CCDC7: variants seen among roughly 807,000 people sequenced by gnomAD.
The protein encoded by CCDC7 is coiled-coil domain-containing protein 7.
CCDC7 carries 183 observed loss-of-function variants against 196.9 expected under a neutral mutation model. The ratio of observed to expected loss-of-function variants is 0.93; its 90% CI spans 0.82 to 1.05. CCDC7 has a LOEUF of 1.05. CCDC7 is among the 50% of genes least tolerant of loss of function. The probability of loss-of-function intolerance (pLI) is 0.00; values close to 1 mark genes in which losing one functional copy is unlikely to be tolerated. For synonymous variants in CCDC7, 525 were observed against 484.6 expected, an observed-to-expected ratio of 1.08 and a Z score of -1.10; for missense variants, 1,540 against 1,482.2, an observed-to-expected ratio of 1.04 and a Z score of -0.64.
At chr10:32,722,523 G>A (rs989065533) in intron 25 of CCDC7, among the ~76,000 whole-genome samples, 2 of 152,020 alleles carry the variant, frequency 1.3e-5, no homozygotes, top group African/African-American at 2.4e-5. Flanking sequence ...TGAGCTCCTT[G>A]TGGGTTGCTA....
rs1017648222 is a variant in CCDC7 at position 32,587,780 on chromosome 10, C to G, written c.1801+3476C>G. On this transcript the variant is annotated intron_variant, in intron 18 of 41. Coordinates refer to ENST00000639629, the Ensembl canonical transcript of CCDC7. ...TATTTTCTAATTTCTCTGACTGGAT[C>G]TTTTAGTACAATGTTGAATAACAGT... 4.6e-5 allele frequency among the ~76,000 whole-genome samples: 7 copies of G among 152,224 alleles called. No individual in the cohort carries two copies. In the East Asian group the frequency reaches 1.4e-3, roughly 29 times the overall value.
chr10:32,467,924 A>G (rs369649417), intron 5 of CCDC7, among the ~76,000 whole-genome samples: 11 of 152,192 alleles, frequency 7.2e-5, no homozygotes, highest in African/African-American at 2.4e-4. Flanking sequence ...TGGCTTCTCT[A>G]TTCTGTTCCA....
intron 31 of CCDC7, among the ~76,000 whole-genome samples, chr10:32,816,827 C>G (rs996599665): frequency 1.3e-5 from 2 of 152,048 alleles, no homozygotes; most frequent in Non-Finnish European, 2.9e-5. Context: ...ACACCAAAAC[C>G]CCATCTATGC....
At chr10:32,600,175 A>G (rs1453771942) in intron 18 of CCDC7, among the ~76,000 whole-genome samples, 1 of 151,858 alleles carries the variant, frequency 6.6e-6, no homozygotes, top group African/African-American at 2.4e-5. Context: ...CATTTTTATG[A>G]TATTCTTCCA....
At chr10:32,678,010 A>T (rs1002984787) in intron 21 of CCDC7, among the ~76,000 whole-genome samples, 1 of 151,378 alleles carries the variant, frequency 6.6e-6, no homozygotes, top group Middle Eastern at 3.4e-3. Flanking sequence ...TATCTATGAA[A>T]TTTTTCAGTT....
chr10:32,828,494 A>G (rs1555179495), intron 32 of CCDC7, among the ~76,000 whole-genome samples: 1,014 of 88,296 alleles, frequency 0.011, 11 homozygotes, highest in East Asian at 0.026. Flanking sequence ...AGGAAGAAGA[A>G]GAAGAAGAAG....
intron 25 of CCDC7, among the ~76,000 whole-genome samples, chr10:32,723,237 G>C (rs755710107): frequency 2.0e-5 from 3 of 152,042 alleles, no homozygotes; most frequent in East Asian, 3.9e-4. Flanking sequence ...GAGAGAGTGC[G>C]TGATTACCAG....
At chr10:32,555,188 T>G (rs2054152981) in intron 13 of CCDC7, among the ~76,000 whole-genome samples, 1 of 152,156 alleles carries the variant, frequency 6.6e-6, no homozygotes, top group South Asian at 2.1e-4. Context: ...ATATACTGAT[T>G]TCCTTTTTTT....
intron 20 of CCDC7, among the ~76,000 whole-genome samples, chr10:32,637,547 C>T (rs145990257): frequency 0.019 from 2,946 of 152,112 alleles, 44 homozygotes; most frequent in Admixed American, 0.035. Context: ...TGTAGATATG[C>T]GGCATTATTT....
intron 28 of CCDC7, among the ~76,000 whole-genome samples, chr10:32,747,130 G>A (rs2133340641): frequency 6.6e-6 from 1 of 152,316 alleles, no homozygotes; most frequent in South Asian, 2.1e-4. Flanking sequence ...ACCTCAAGGA[G>A]CCAGAGAGAA....
intron 24 of CCDC7, among the ~76,000 whole-genome samples, chr10:32,697,531 C>A (rs1430508862): frequency 2.6e-5 from 4 of 152,214 alleles, no homozygotes; most frequent in Non-Finnish European, 4.4e-5. Context: ...TATCCTGCGC[C>A]TCGCTTGGCG....
intron 32 of CCDC7, among the ~76,000 whole-genome samples, chr10:32,833,411 G>A (rs2092375927): frequency 6.6e-6 from 1 of 151,200 alleles, no homozygotes; most frequent in South Asian, 2.1e-4. Context: ...AAAAAGAGAT[G>A]TAAAGTACTG....
At chr10:32,449,938 G>A (rs1389312402), upstream of CCDC7, among the ~76,000 whole-genome samples, 1 of 152,154 alleles carries the variant, frequency 6.6e-6, no homozygotes, top group Non-Finnish European at 1.5e-5. Context: ...AACTCTGCTG[G>A]TGCCTTGTCG....
intron 24 of CCDC7, among the ~76,000 whole-genome samples, chr10:32,698,263 T>G (rs2078055716): frequency 6.6e-6 from 1 of 152,086 alleles, no homozygotes; most frequent in South Asian, 2.1e-4. Flanking sequence ...GCAGAAAAGT[T>G]GAAAATTCTA....
chr10:32,511,822 C>G, intron 9 of CCDC7: 3 of 907,828 alleles, frequency 3.3e-6, no homozygotes, highest in Non-Finnish European at 5.3e-6. Flanking sequence ...CCAGCTCTGC[C>G]CGCGCCACCA....
intron 21 of CCDC7, among the ~76,000 whole-genome samples, chr10:32,672,149 G>A (rs1197729373): frequency 6.6e-6 from 1 of 152,144 alleles, no homozygotes; most frequent in Non-Finnish European, 1.5e-5. Flanking sequence ...GGCAGTAACA[G>A]CACTTATGCC....
chr10:32,638,999 T>G (rs1013118203), intron 20 of CCDC7, among the ~76,000 whole-genome samples: 42 of 152,214 alleles, frequency 2.8e-4, no homozygotes, highest in African/African-American at 9.4e-4. Context: ...TTCTTCTAGA[T>G]TTTCTAGTTT....
chr10:32,684,802 G>A (rs1220037702), intron 21 of CCDC7, among the ~76,000 whole-genome samples: 1 of 152,180 alleles, frequency 6.6e-6, no homozygotes, highest in Non-Finnish European at 1.5e-5. Context: ...ATTTTGTGAT[G>A]TGTGTACCGT....
intron 11 of CCDC7, among the ~76,000 whole-genome samples, chr10:32,523,408 G>A (rs1237919504): frequency 1.2e-4 from 18 of 152,068 alleles, no homozygotes; most frequent in Admixed American, 1.2e-3. Context: ...AATTAGCTGG[G>A]CATGGTGGCA....
Sources: allele counts gnomAD v4.1 joint callset (sites outside exome capture counted in the v4.1 genomes callset), GRCh38; gene constraint gnomAD v4.1.1; transcripts MANE v1.5; gene names NCBI Gene and HGNC (gene_info 2026-07-23, HGNC 2026-07-21).